SH3RF3: variants seen among roughly 807,000 people sequenced by gnomAD.
SH3RF3 encodes E3 ubiquitin-protein ligase SH3RF3.
Under a neutral mutation model 66.3 loss-of-function variants are expected in SH3RF3, and 29 were observed. That is an observed-to-expected ratio of 0.44 (90% CI 0.33 to 0.60). The LOEUF (loss-of-function observed/expected upper bound fraction) is 0.60. Among genes scored for constraint, SH3RF3 ranks in the 20% least tolerant of loss-of-function variants. The pLI, the probability that SH3RF3 is intolerant of heterozygous loss-of-function variation, is 0.04. For missense variants in SH3RF3, 1,194 were observed against 1,190.9 expected (o/e 1.00, Z -0.04); for synonymous variants, 583 against 532.0 (o/e 1.10, Z -1.32).
rs111316139 is a variant in SH3RF3, at chr2:109,337,736, CT to C, written c.574-9929del. ...TCAAGTTTGTTTTGCTAAGGTCCCC[CT>C]TTTTTTTTGAGACAGGGTTTCACTC... On this transcript the variant is annotated intron_variant, in intron 1 of 9. Coordinates refer to ENST00000309415, the MANE Select transcript of SH3RF3 (RefSeq NM_001099289.3). Among the ~76,000 whole-genome samples, 573 of 150,488 alleles carry C rather than the reference CT, an allele frequency of 3.8e-3. 3 individuals carry two copies. Among genetic ancestry groups the C allele is most frequent in the African/African-American group, 0.012 (473 of 41,002 alleles).
At chr2:109,227,654 A>G (rs1027088521) in intron 1 of SH3RF3, among the ~76,000 whole-genome samples, 1 of 152,160 alleles carries the variant, frequency 6.6e-6, no homozygotes, top group Non-Finnish European at 1.5e-5. Flanking sequence ...TTCATGGGGT[A>G]CACGGCAGCT....
In SH3RF3 at chr2:109,321,125, C is replaced by G. The variant is rs151273966; in HGVS notation, c.574-26549C>G. Reference sequence around the variant, plus strand: ...GTAGTATTCATGGAAGAAAGACTCACGGACACACAAGACGCCATGTGCATG... The same window carrying G: ...GTAGTATTCATGGAAGAAAGACTCAGGGACACACAAGACGCCATGTGCATG... On this transcript the variant is annotated intron_variant, in intron 1 of 9. Coordinates refer to ENST00000309415, the MANE Select transcript of SH3RF3 (RefSeq NM_001099289.3). Among the ~76,000 whole-genome samples the G allele has an allele frequency of 7.2e-5, 11 of 152,328 alleles. No homozygotes were observed. The East Asian group carries it at 1.9e-3, about 27-fold the overall frequency.
chr2:109,491,923 G>A (rs1264856727), intron 9 of SH3RF3, among the ~76,000 whole-genome samples: 1 of 152,218 alleles, frequency 6.6e-6, no homozygotes, highest in African/African-American at 2.4e-5. Context: ...GCCATTCCCA[G>A]TGCCAGGTGG....
intron 4 of SH3RF3, among the ~76,000 whole-genome samples, chr2:109,413,484 CTCTG>C (rs1025492298): frequency 3.3e-5 from 5 of 152,292 alleles, no homozygotes; most frequent in South Asian, 2.1e-4. Flanking sequence ...CCTGCCCTGT[CTCTG>C]TCTGTCTGTC....
At chr2:109,213,106 C>T (rs891777995) in intron 1 of SH3RF3, among the ~76,000 whole-genome samples, 2 of 152,204 alleles carry the variant, frequency 1.3e-5, no homozygotes, top group African/African-American at 4.8e-5. Flanking sequence ...AGTTGCATCA[C>T]TTTGGGTGCT....
At chr2:109,184,168 G>A (rs1398692869) in intron 1 of SH3RF3, among the ~76,000 whole-genome samples, 1 of 152,156 alleles carries the variant, frequency 6.6e-6, no homozygotes, top group Non-Finnish European at 1.5e-5. Context: ...CTGGCCCTGT[G>A]ATGCTTGGGT....
At chr2:109,419,888 T>C (rs565529869) in intron 5 of SH3RF3, among the ~76,000 whole-genome samples, 2 of 152,308 alleles carry the variant, frequency 1.3e-5, no homozygotes, top group South Asian at 4.1e-4. Context: ...GTATTCACAG[T>C]GCAGTTCCCA....
chr2:109,322,703 T>G (rs542395589), intron 1 of SH3RF3, among the ~76,000 whole-genome samples: 97 of 152,352 alleles, frequency 6.4e-4, no homozygotes, highest in Middle Eastern at 3.4e-3. Context: ...CCCACATAAG[T>G]GATTTCTAAT....
chr2:109,393,373 C>T (rs967324401), intron 3 of SH3RF3, among the ~76,000 whole-genome samples: 8 of 152,190 alleles, frequency 5.3e-5, no homozygotes, highest in African/African-American at 1.7e-4. Flanking sequence ...ACAGCATCGT[C>T]GTCTCTTGGG....
chr2:109,426,930 G>A (rs7608806), intron 5 of SH3RF3, among the ~76,000 whole-genome samples: 72,383 of 151,548 alleles, frequency 0.48, 17,490 homozygotes, highest in East Asian at 0.51. Context: ...CTCCCTGAAG[G>A]CTCAGATGAT....
chr2:109,409,696 C>T (rs1676537341), intron 4 of SH3RF3, among the ~76,000 whole-genome samples: 1 of 152,054 alleles, frequency 6.6e-6, no homozygotes, highest in South Asian at 2.1e-4. Context: ...ACTGCCCTCC[C>T]CGAGAGGGAG....
At chr2:109,321,680 A>C (rs1682029932) in intron 1 of SH3RF3, among the ~76,000 whole-genome samples, 1 of 152,236 alleles carries the variant, frequency 6.6e-6, no homozygotes, top group Non-Finnish European at 1.5e-5. Context: ...AAAATGAATA[A>C]ATTTGTAATA....
intron 1 of SH3RF3, among the ~76,000 whole-genome samples, chr2:109,200,207 C>T (rs998164551): frequency 6.6e-6 from 1 of 152,086 alleles, no homozygotes; most frequent in African/African-American, 2.4e-5. Context: ...AACTCCAGAA[C>T]ACCCCATCTG....
At chr2:109,366,126 T>C (rs111621653) in intron 2 of SH3RF3, among the ~76,000 whole-genome samples, 1,866 of 152,330 alleles carry the variant, frequency 0.012, 39 homozygotes, top group African/African-American at 0.037. Flanking sequence ...CCTAGAGTTA[T>C]CCATTCTTTA....
At chr2:109,458,596 G>GAGAGAGAGAGAGAGAGAGAGAT (rs1213873943) in intron 8 of SH3RF3, among the ~76,000 whole-genome samples, 1 of 150,290 alleles carries the variant, frequency 6.7e-6, no homozygotes, top group Non-Finnish European at 1.5e-5. Context: ...GAGAGAGAGA[G>GAGAGAGAGAGAGAGAGAGAGAT]AGAGAATTTA....
chr2:109,385,868 TAA>T (rs1381324643), intron 3 of SH3RF3, among the ~76,000 whole-genome samples: 3 of 150,990 alleles, frequency 2.0e-5, no homozygotes, highest in African/African-American at 4.9e-5. Context: ...CTTTTGTATT[TAA>T]AAAGAGATGG....
At chr2:109,495,824 A>G (rs1237364785) in intron 9 of SH3RF3, among the ~76,000 whole-genome samples, 1 of 152,172 alleles carries the variant, frequency 6.6e-6, no homozygotes, top group African/African-American at 2.4e-5. Context: ...TAGTTTCCAC[A>G]TACATAAAAT....
chr2:109,396,487 G>T (rs184509141), intron 3 of SH3RF3, among the ~76,000 whole-genome samples: 1 of 152,204 alleles, frequency 6.6e-6, no homozygotes, highest in Non-Finnish European at 1.5e-5. Flanking sequence ...TGATCTGCTC[G>T]GCCTGCACGG....
At chr2:109,201,042 G>T (rs899174588) in intron 1 of SH3RF3, among the ~76,000 whole-genome samples, 1 of 152,180 alleles carries the variant, frequency 6.6e-6, no homozygotes, top group Non-Finnish European at 1.5e-5. Context: ...GTGGGACCCT[G>T]TGAGCTGGAG....
Sources: gnomAD v4.1 joint callset for allele counts (sites outside exome capture counted in the v4.1 genomes callset) on GRCh38, gnomAD v4.1.1 for gene constraint, MANE v1.5 for transcripts, NCBI Gene and HGNC (gene_info 2026-07-23, HGNC 2026-07-21) for gene names.